PRKN: variants seen among roughly 807,000 people sequenced by gnomAD.
PRKN encodes parkin RBR E3 ubiquitin protein ligase.
Under a neutral mutation model 59.5 loss-of-function variants are expected in PRKN, and 56 were observed. That is an observed-to-expected ratio of 0.94 (90% confidence interval 0.76 to 1.18). The LOEUF is 1.18. Among genes scored for constraint, PRKN ranks in the 50% most tolerant of loss-of-function variants. The pLI is 0.00. For synonymous variants in PRKN, 250 were observed against 222.1 expected (o/e 1.13, Z -1.12); for missense variants, 657 against 596.4 (o/e 1.10, Z -1.06).
At chr6:162,633,920 A>G (rs2803114) in intron 1 of PRKN, among the ~76,000 whole-genome samples, 80,939 of 152,004 alleles carry the variant, frequency 0.53, 22,350 homozygotes, top group African/African-American at 0.64. Context: ...AACATTAATC[A>G]CTTCTAAATA....
intron 6 of PRKN, among the ~76,000 whole-genome samples, chr6:161,842,990 A>G (rs1252301206): frequency 1.3e-5 from 2 of 152,170 alleles, no homozygotes; most frequent in African/African-American, 4.8e-5. Context: ...TTTCATCTTT[A>G]ATCTACTCAG....
At chr6:162,558,327 C>CTTT (rs71278562) in intron 1 of PRKN, among the ~76,000 whole-genome samples, 2,815 of 132,708 alleles carry the variant, frequency 0.021, 114 homozygotes, top group African/African-American at 0.07. Context: ...TTAATTTTCC[C>CTTT]TTTTTTTTTT....
At chr6:161,416,659 T>C (rs1022249664) in intron 9 of PRKN, among the ~76,000 whole-genome samples, 15 of 152,178 alleles carry the variant, frequency 9.9e-5, no homozygotes, top group African/African-American at 3.4e-4. Flanking sequence ...CTATATTTGC[T>C]CATAAAAACC....
chr6:162,604,846 A>G (rs543712185), intron 1 of PRKN, among the ~76,000 whole-genome samples: 1 of 152,098 alleles, frequency 6.6e-6, no homozygotes, highest in Non-Finnish European at 1.5e-5. Context: ...CTCCAGCAAA[A>G]GTGCAACTGG....
intron 5 of PRKN, among the ~76,000 whole-genome samples, chr6:162,023,709 A>G (rs1386853364): frequency 1.3e-5 from 2 of 152,038 alleles, no homozygotes; most frequent in Non-Finnish European, 2.9e-5. Flanking sequence ...GTGGTCTTAG[A>G]AAATGCAACA....
At chr6:162,031,515 ACTTTTCTTTTT>A (rs973093606) in intron 5 of PRKN, among the ~76,000 whole-genome samples, 29 of 149,900 alleles carry the variant, frequency 1.9e-4, no homozygotes, top group East Asian at 7.8e-4. Context: ...CAAAAGAGTC[ACTTTTCTTTTT>A]CTTTTCTTTT....
At chr6:162,272,286 T>A (rs1463552712) in intron 2 of PRKN, among the ~76,000 whole-genome samples, 1 of 152,178 alleles carries the variant, frequency 6.6e-6, no homozygotes, top group Non-Finnish European at 1.5e-5. Context: ...ACCAAAGCTA[T>A]GCCCATTAAA....
intron 1 of PRKN, among the ~76,000 whole-genome samples, chr6:162,723,182 G>A (rs760979306): frequency 1.1e-4 from 16 of 152,120 alleles, no homozygotes; most frequent in Non-Finnish European, 2.4e-4. Context: ...GTGTTCCCTC[G>A]TTTCCCTGGC....
chr6:162,634,544 G>C (rs1777636362), intron 1 of PRKN, among the ~76,000 whole-genome samples: 1 of 152,192 alleles, frequency 6.6e-6, no homozygotes, highest in Non-Finnish European at 1.5e-5. Context: ...TCTTCAGGCA[G>C]AGCTTTGATG....
chr6:162,500,560 C>A (rs977884687), intron 1 of PRKN, among the ~76,000 whole-genome samples: 4 of 152,170 alleles, frequency 2.6e-5, no homozygotes, highest in Non-Finnish European at 5.9e-5. Context: ...CAACAGATAA[C>A]AGATTTTCAT....
intron 4 of PRKN, among the ~76,000 whole-genome samples, chr6:162,146,855 C>T (rs1037687224): frequency 2.6e-5 from 4 of 151,958 alleles, no homozygotes; most frequent in South Asian, 2.1e-4. Flanking sequence ...CTCAGCCTCC[C>T]GAGTAGCTGA....
intron 6 of PRKN, among the ~76,000 whole-genome samples, chr6:161,880,137 T>C (rs967361415): frequency 6.6e-6 from 1 of 152,238 alleles, no homozygotes; most frequent in Admixed American, 6.5e-5. Context: ...ATGTAGATAC[T>C]GCTATTTCTA....
chr6:161,478,899 G>A (rs1033335310), intron 9 of PRKN, among the ~76,000 whole-genome samples: 2 of 151,948 alleles, frequency 1.3e-5, no homozygotes, highest in African/African-American at 4.8e-5. Context: ...AGTTTTATGT[G>A]GATATACTAA....
chr6:162,317,531 T>C (rs938214445), intron 2 of PRKN, among the ~76,000 whole-genome samples: 5 of 152,034 alleles, frequency 3.3e-5, no homozygotes, highest in African/African-American at 1.2e-4. Flanking sequence ...TAATGAGGTA[T>C]GCTAGTAGAA....
chr6:162,494,418 T>A (rs1025265363), intron 1 of PRKN, among the ~76,000 whole-genome samples: 1 of 151,266 alleles, frequency 6.6e-6, no homozygotes, highest in Non-Finnish European at 1.5e-5. Context: ...AGTTCCAGCA[T>A]CAGGGTTGAG....
At chr6:161,802,322 T>G (rs1009626818) in intron 6 of PRKN, among the ~76,000 whole-genome samples, 1 of 151,924 alleles carries the variant, frequency 6.6e-6, no homozygotes, top group African/African-American at 2.4e-5. Flanking sequence ...GTCCCTTAGC[T>G]CCTTCTCTTC....
chr6:161,531,932 AG>A (rs1376371591), intron 9 of PRKN, among the ~76,000 whole-genome samples: 1 of 152,158 alleles, frequency 6.6e-6, no homozygotes, highest in African/African-American at 2.4e-5. Flanking sequence ...ACATAGAAAA[AG>A]TCTTTGCAAA....
At chr6:162,647,381 G>C (rs951461339) in intron 1 of PRKN, among the ~76,000 whole-genome samples, 1 of 152,036 alleles carries the variant, frequency 6.6e-6, no homozygotes, top group Non-Finnish European at 1.5e-5. Context: ...GTCATGGAGG[G>C]CTATTTTAGA....
chr6:161,357,817 C>T lies in PRKN; in HGVS notation c.1285+2271G>A, dbSNP rs754380915. Among the ~76,000 whole-genome samples, 2 of 152,228 alleles carry T rather than the reference C, an allele frequency of 1.3e-5. No homozygotes were observed. Among genetic ancestry groups the T allele is most frequent in the African/African-American group, 2.4e-5 (1 of 41,458 alleles). On this transcript the variant is annotated intron_variant, in intron 11 of 11. Coordinates refer to ENST00000366898, the MANE Select transcript of PRKN (RefSeq NM_004562.3). This position sits in a 1 kb window ranked among gnomAD's most constrained non-coding sequence, Gnocchi z 5.5. ...CATGCCTTCATAACCTTCATCCACA[C>T]GAATCAGAGCACGTCTCACGGAGCG...
Sources: allele counts gnomAD v4.1 joint callset (sites outside exome capture counted in the v4.1 genomes callset), GRCh38; gene constraint gnomAD v4.1.1; non-coding constraint Gnocchi (gnomAD v3.1); transcripts MANE v1.5; gene names NCBI Gene and HGNC (gene_info 2026-07-23, HGNC 2026-07-21).